Variants in FGF13 observed in about 807,000 individuals in gnomAD.
FGF13 encodes fibroblast growth factor homologous factor 2.
Under a neutral mutation model 19.5 loss-of-function variants are expected in FGF13, and 2 were observed. The observed-to-expected ratio is 0.10, with a 90% CI of 0.04 to 0.32. FGF13 has a LOEUF of 0.32. Ranked by LOEUF, FGF13 falls within the 10% of genes least tolerant of loss-of-function variation. The probability of loss-of-function intolerance (pLI) is 1.00; values close to 1 mark genes in which losing one functional copy is unlikely to be tolerated. For synonymous variants in FGF13, 72 were observed against 76.9 expected, an observed-to-expected ratio of 0.94 and a Z score of 0.33; for missense variants, 113 against 192.7, an observed-to-expected ratio of 0.59 and a Z score of 2.45.
chrX:138,716,401 G>A (rs1232298995), upstream of FGF13: 1 of 111,189 alleles, frequency 9.0e-6, no homozygotes, highest in Non-Finnish European at 1.9e-5. Context: ...GAGGAGTTTA[G>A]AGAAAAGCTA....
At chrX:138,724,917 G>T (rs746689763) in intron 1 of FGF13, among the ~76,000 whole-genome samples, 1 of 112,008 alleles carries the variant, frequency 8.9e-6, no homozygotes, top group African/African-American at 3.2e-5. Context: ...ACCATAGTAT[G>T]TTAACTTTAG....
At chrX:139,123,005 C>T (rs1213356201) in intron 1 of FGF13, among the ~76,000 whole-genome samples, 1 of 111,491 alleles carries the variant, frequency 9.0e-6, no homozygotes, top group African/African-American at 3.3e-5. Context: ...CCTGCACCCA[C>T]ATTATGACAA....
rs547251502 is a variant in FGF13, at chrX:138,997,777, G to A, written c.-112-133127C>T. On this transcript the variant is annotated intron_variant, in intron 1 of 2. Transcript: ENST00000421460. ...ACACTCTTCAGGATATTATCCAAGA[G>A]AACTTCCCCAACCTAGCAAGGCAGG... Among the ~76,000 whole-genome samples, 20 of 112,291 alleles carry A rather than the reference G, an allele frequency of 1.8e-4. No homozygotes were observed. The Middle Eastern group carries it at 0.014, about 77-fold the overall frequency.
At position 139,028,665 on chromosome X, in the gene FGF13, AAGAG is replaced by A. The variant is rs1178324612; in HGVS notation, c.-112-164019_-112-164016del. ...TGTGTGTGTGTGAGAGAGAGAGAGA[AAGAG>A]AGAGTGTGTGTGAAAGACAGTGTGT... On this transcript the variant is annotated intron_variant, in intron 1 of 2. Coordinates refer to the FGF13 transcript ENST00000421460. Among the ~76,000 whole-genome samples the A allele has an allele frequency of 1.8e-3, 46 of 26,048 alleles. 1 individual carries two copies. The highest frequency in any genetic ancestry group is 4.7e-3 in the East Asian group (3 of 645). 22.6% of individuals were successfully genotyped at this position (26,048 alleles called of 115,157 possible).
Position 138,710,774 on chromosome X carries a change from A to C in FGF13, c.187+43T>G, listed in dbSNP as rs372011907. On this transcript the variant is annotated intron_variant, in intron 1 of 4. Coordinates refer to ENST00000315930, the MANE Select transcript of FGF13 (RefSeq NM_004114.5). Reference sequence around the variant, plus strand: ...ACCTGCTCCCCACCGCCCCCACCTCACTCGTAAAGTATGGGGAAAAGAAAG... The same window carrying C: ...ACCTGCTCCCCACCGCCCCCACCTCCCTCGTAAAGTATGGGGAAAAGAAAG... The C allele has an allele frequency of 4.1e-5, 49 of 1,198,345 alleles. 1 individual carries two copies. The East Asian group carries it at 5.4e-4, about 13-fold the overall frequency.
chrX:139,122,506 C>G (rs151061113), intron 1 of FGF13, among the ~76,000 whole-genome samples: 176 of 111,808 alleles, frequency 1.6e-3, no homozygotes, highest in African/African-American at 5.5e-3. Flanking sequence ...GCAATTCTCA[C>G]TCATCTTATT....
chrX:138,957,854 G>A (rs2091848889), intron 1 of FGF13, among the ~76,000 whole-genome samples: 1 of 112,019 alleles, frequency 8.9e-6, no homozygotes, highest in South Asian at 3.7e-4. Context: ...AAGAATGCTT[G>A]TGATGTTTGC....
At chrX:138,945,050 G>A (rs868017335) in intron 1 of FGF13, among the ~76,000 whole-genome samples, 5 of 109,460 alleles carry the variant, frequency 4.6e-5, no homozygotes, top group Middle Eastern at 4.7e-3. Context: ...TAGAAGGAGT[G>A]AGGTGAGGTG....
intron 1 of FGF13, among the ~76,000 whole-genome samples, chrX:139,066,271 G>A (rs1229803401): frequency 9.0e-6 from 1 of 111,058 alleles, no homozygotes; most frequent in African/African-American, 3.3e-5. Flanking sequence ...AACTAGAGAA[G>A]GAAGAGCAAA....
intron 3 of FGF13, among the ~76,000 whole-genome samples, chrX:138,783,866 G>A (rs1038271211): frequency 1.2e-4 from 13 of 110,508 alleles, no homozygotes; most frequent in Non-Finnish European, 2.3e-4. Context: ...ACATGCACAT[G>A]TATGTCTATT....
intron 3 of FGF13, among the ~76,000 whole-genome samples, chrX:138,764,775 C>T (rs2090492262): frequency 8.9e-6 from 1 of 112,071 alleles, no homozygotes; most frequent in African/African-American, 3.2e-5. Flanking sequence ...TTTCTTAATG[C>T]TCCAGTAGCC....
intron 1 of FGF13, among the ~76,000 whole-genome samples, chrX:138,725,719 G>A (rs1361272707): frequency 9.0e-6 from 1 of 110,876 alleles, no homozygotes; most frequent in African/African-American, 3.3e-5. Context: ...TTTTCCTAAC[G>A]GTATTTGGCA....
intron 3 of FGF13, among the ~76,000 whole-genome samples, chrX:138,808,029 C>G (rs758450229): frequency 1.5e-4 from 17 of 111,496 alleles, no homozygotes; most frequent in African/African-American, 5.5e-4. Context: ...TTAGACAGAT[C>G]AACGAGACAG....
At chrX:139,152,276 C>T (rs771882530) in intron 1 of FGF13, among the ~76,000 whole-genome samples, 2 of 98,244 alleles carry the variant, frequency 2.0e-5, no homozygotes, top group African/African-American at 3.7e-5. Flanking sequence ...AAAAAAAAAA[C>T]GGAGGAGGCC....
intron 1 of FGF13, among the ~76,000 whole-genome samples, chrX:138,989,223 A>G (rs1358507188): frequency 9.0e-6 from 1 of 111,713 alleles, no homozygotes. Context: ...TACCCTCCCT[A>G]GAAGAAGAAC....
intron 1 of FGF13, among the ~76,000 whole-genome samples, chrX:138,900,450 C>A: frequency 9.0e-6 from 1 of 110,834 alleles, no homozygotes; most frequent in Non-Finnish European, 1.9e-5. Context: ...CCCACACACC[C>A]TCAATTCCAA....
intron 1 of FGF13, among the ~76,000 whole-genome samples, chrX:139,198,772 G>A (rs1200495582): frequency 1.8e-5 from 2 of 110,880 alleles, no homozygotes; most frequent in Non-Finnish European, 3.8e-5. Flanking sequence ...CTGCTTTAAA[G>A]GAAAAAAATG....
intron 3 of FGF13, among the ~76,000 whole-genome samples, chrX:138,698,158 A>T (rs987829028): frequency 9.0e-6 from 1 of 110,862 alleles, no homozygotes; most frequent in Non-Finnish European, 1.9e-5. Context: ...AAGAAAAAAA[A>T]AGGGCGGGGA....
At chrX:139,143,244 G>A (rs927297101) in intron 1 of FGF13, among the ~76,000 whole-genome samples, 1 of 111,511 alleles carries the variant, frequency 9.0e-6, no homozygotes, top group Non-Finnish European at 1.9e-5. Flanking sequence ...ATATTTATGT[G>A]GTAATCTGGG....
Sources: allele counts gnomAD v4.1 joint callset (sites outside exome capture counted in the v4.1 genomes callset), GRCh38; gene constraint gnomAD v4.1.1; transcripts MANE v1.5; gene names NCBI Gene and HGNC (gene_info 2026-07-23, HGNC 2026-07-21).